Variants in CCDC38 observed in about 807,000 individuals in gnomAD.
The protein encoded by CCDC38 is coiled-coil domain-containing protein 38.
In CCDC38, 69 loss-of-function variants were observed where a neutral mutation model predicts 72.8. The observed-to-expected ratio is 0.95, with a 90% CI of 0.78 to 1.16. The LOEUF (loss-of-function observed/expected upper bound fraction) is 1.16, where lower values mean the gene tolerates loss of function less well. Among genes scored for constraint, CCDC38 ranks in the 50% most tolerant of loss-of-function variants. The pLI, the probability that CCDC38 is intolerant of heterozygous loss-of-function variation, is 0.00. For missense variants in CCDC38, 626 were observed against 638.9 expected (o/e 0.98, Z 0.22); for synonymous variants, 201 against 213.2 (o/e 0.94, Z 0.50).
intron 15 of CCDC38, 105 bp downstream of exon 15, chr12:95,869,375 A>T: frequency 1.2e-6 from 1 of 808,268 alleles, no homozygotes; most frequent in Non-Finnish European, 2.0e-6. Context: ...AAGAAAGATT[A>T]TCTTTCTGAA....
At chr12:95,934,548 C>T (rs1187945019) in intron 2 of CCDC38, 2 of 152,062 alleles carry the variant, frequency 1.3e-5, no homozygotes, top group Non-Finnish European at 2.9e-5. Flanking sequence ...AATCTTAGCC[C>T]TGTCACAGTT....
chr12:95,870,299 A>C (rs954424840), intron 14 of CCDC38, among the ~76,000 whole-genome samples: 1 of 152,188 alleles, frequency 6.6e-6, no homozygotes, highest in African/African-American at 2.4e-5. Flanking sequence ...GCTATTTGTC[A>C]TACTCTCTTT....
intron 2 of CCDC38, among the ~76,000 whole-genome samples, chr12:95,924,686 G>A (rs1343368112): frequency 1.3e-5 from 2 of 151,442 alleles, no homozygotes; most frequent in African/African-American, 4.8e-5. Context: ...TAACGTTTAA[G>A]TCTTTAATCC....
At chr12:95,888,091 G>A in intron 10 of CCDC38, among the ~76,000 whole-genome samples, 1 of 151,994 alleles carries the variant, frequency 6.6e-6, no homozygotes, top group East Asian at 1.9e-4. Context: ...TAAGTGAGGG[G>A]GAAAACAACA....
rs1206572260 is a variant in CCDC38, at chr12:95,895,754, G to GAA, written c.615-610_615-609dup. Among the ~76,000 whole-genome samples, 348 of 37,120 alleles carry GAA rather than the reference G, an allele frequency of 9.4e-3. 16 individuals are homozygous for GAA. Among genetic ancestry groups the GAA allele is most frequent in the African/African-American group, 0.025 (226 of 8,996 alleles). The allele number at this position is 37,120 out of a possible 152,430, so 24.4% of individuals were successfully genotyped here. On this transcript the variant is annotated intron_variant, in intron 7 of 15. Transcript: ENST00000344280. ...GGCAACAAGAGCAAAACTCTGTCTC[G>GAA]AAAAAAAAAAAAAAAAAAAAAAGCC...
At chr12:95,877,516 A>T (rs1401654774) in intron 13 of CCDC38, among the ~76,000 whole-genome samples, 1 of 152,168 alleles carries the variant, frequency 6.6e-6, no homozygotes, top group African/African-American at 2.4e-5. Flanking sequence ...ATTAGCTTTG[A>T]ATTTTTATTT....
At chr12:95,922,294 AC>A (rs1055246820) in intron 2 of CCDC38, among the ~76,000 whole-genome samples, 4 of 152,222 alleles carry the variant, frequency 2.6e-5, no homozygotes, top group Non-Finnish European at 1.5e-5. Flanking sequence ...AACACATGAT[AC>A]CCAACACTGG....
At chr12:95,908,795 C>G (rs1005295446) in intron 4 of CCDC38, among the ~76,000 whole-genome samples, 1 of 151,734 alleles carries the variant, frequency 6.6e-6, no homozygotes, top group Non-Finnish European at 1.5e-5. Context: ...CATACCAAAG[C>G]TCTTAGGCAA....
Position 95,895,081 on chromosome 12 carries a change from A to G in CCDC38, c.680T>C (p.Met227Thr), listed in dbSNP as rs772021674. The part of the protein sequence containing the change: ...YMKYGFFLLQ[M>T]SPKHWQIQQA... ...CTGGATTTGCCAATGTTTTGGAGAC[A>G]TTTGCAGCAGAAAAAAACCATATTT... is the stretch of plus-strand genomic sequence containing the variant. Residue 227 changes from methionine to threonine, a missense_variant, in exon 8 of 16, where the codon ATG (methionine) becomes ACG (threonine). Coordinates refer to ENST00000344280, the MANE Select transcript of CCDC38 (RefSeq NM_182496.3). 1 of 1,613,082 alleles carries G rather than the reference A, an allele frequency of 6.2e-7. No individual in the cohort carries two copies. Among genetic ancestry groups the G allele is most frequent in the South Asian group, 1.1e-5 (1 of 90,802 alleles).
chr12:95,940,804 T>C (rs1288123928), intron 1 of CCDC38, among the ~76,000 whole-genome samples: 1 of 152,178 alleles, frequency 6.6e-6, no homozygotes, highest in East Asian at 1.9e-4. Context: ...TTTAAGGCAC[T>C]GCTGGCGTCA....
At position 95,895,029 on chromosome 12, in the gene CCDC38, T is replaced by A. The variant is rs199914003; in HGVS notation, c.732A>T (p.Ser244=). 6.2e-7 allele frequency: 1 copy of A among 1,610,460 alleles called. No individual in the cohort carries two copies. The highest frequency in any genetic ancestry group is 1.6e-4 in the Middle Eastern group (1 of 6,074). ...IQQALKRAQA[S]KSKANIILPK... is the part of the protein sequence containing the mutation. ...GAAGGATGATATTTGCTTTACTTTT[T>A]GATGCCTGTGCTCTTTTTAGTGCTT... Residue 244 remains serine, a synonymous_variant, in exon 8 of 16, where the codon TCA becomes TCT. Transcript: ENST00000344280.
chr12:95,886,213 T>C (rs1474280023), intron 10 of CCDC38, among the ~76,000 whole-genome samples: 2 of 152,158 alleles, frequency 1.3e-5, no homozygotes, highest in Non-Finnish European at 2.9e-5. Flanking sequence ...AGCAATTCAA[T>C]GAAAGAAGCC....
chr12:95,921,976 G>T (rs2080214256), intron 2 of CCDC38, among the ~76,000 whole-genome samples: 1 of 152,166 alleles, frequency 6.6e-6, no homozygotes, highest in East Asian at 1.9e-4. Flanking sequence ...GGAATATTTT[G>T]AGAGTCCCCC....
intron 5 of CCDC38, among the ~76,000 whole-genome samples, chr12:95,905,379 C>T (rs943430944): frequency 6.6e-6 from 1 of 152,160 alleles, no homozygotes; most frequent in Admixed American, 6.5e-5. Flanking sequence ...CCTAGTGTAT[C>T]TGTCAAGCAC....
At chr12:95,915,040 A>G (rs1446358079) in intron 4 of CCDC38, among the ~76,000 whole-genome samples, 1 of 152,212 alleles carries the variant, frequency 6.6e-6, no homozygotes, top group African/African-American at 2.4e-5. Context: ...CAAATTGAAA[A>G]TAAACTTCAA....
intron 4 of CCDC38, among the ~76,000 whole-genome samples, chr12:95,916,863 T>G (rs2080150107): frequency 6.6e-6 from 1 of 152,168 alleles, no homozygotes; most frequent in South Asian, 2.1e-4. Context: ...TTTTATCCGC[T>G]TTTGCAAACT....
At chr12:95,892,150 A>C (rs1403459846) in intron 8 of CCDC38, among the ~76,000 whole-genome samples, 7 of 149,488 alleles carry the variant, frequency 4.7e-5, no homozygotes, top group African/African-American at 1.7e-4. Context: ...AATGTCTGAA[A>C]ATTCCTGTTT....
chr12:95,871,763 A>G (rs2079583284), intron 14 of CCDC38, among the ~76,000 whole-genome samples: 1 of 152,066 alleles, frequency 6.6e-6, no homozygotes, highest in Non-Finnish European at 1.5e-5. Flanking sequence ...CAATTCCTTC[A>G]TTAGGAATTT....
At chr12:95,896,584 A>C (rs569114919) in intron 7 of CCDC38, 1 of 152,470 alleles carries the variant, frequency 6.6e-6, no homozygotes, top group Non-Finnish European at 1.5e-5. Context: ...GGAGACCTTC[A>C]TTCTACTGCT....
Sources: allele counts gnomAD v4.1 joint callset (sites outside exome capture counted in the v4.1 genomes callset), GRCh38; gene constraint gnomAD v4.1.1; transcripts MANE v1.5; gene names NCBI Gene and HGNC (gene_info 2026-07-23, HGNC 2026-07-21).